IQSEC3: variants seen among roughly 807,000 people sequenced by gnomAD.
IQSEC3 encodes the protein IQ motif and SEC7 domain-containing protein 3.
IQSEC3 carries 50 observed loss-of-function variants against 105.4 expected under a neutral mutation model. That is an observed-to-expected ratio of 0.47 (90% CI 0.38 to 0.60). The LOEUF is 0.60. Among genes scored for constraint, IQSEC3 ranks in the 20% least tolerant of loss-of-function variants. IQSEC3 has a pLI of 0.00. For synonymous variants in IQSEC3, 708 were observed against 746.0 expected, an observed-to-expected ratio of 0.95 and a Z score of 0.83; for missense variants, 1,415 against 1,630.0, an observed-to-expected ratio of 0.87 and a Z score of 2.27.
chr12:122,318 G>A (rs1387873575), intron 2 of IQSEC3, among the ~76,000 whole-genome samples: 5 of 152,294 alleles, frequency 3.3e-5, no homozygotes, highest in East Asian at 1.9e-4. Flanking sequence ...AGCTCCCTCC[G>A]TGGAACAGAT....
chr12:141,209 C>T lies in IQSEC3; in HGVS notation c.2077C>T (p.Arg693Ter), dbSNP rs781903513. ...CGGTGTGGCCCATTTCCTCCTCCAG[C>T]GAAAGGGCCTCAGCCGCCAGATGAT... is the stretch of plus-strand genomic sequence containing the variant. ...PIGVAHFLLQRKGLSRQMIGE... is the reference protein window; with the variant it reads ...PIGVAHFLLQ Residue 693 changes from arginine to a stop codon, truncating the protein, a stop_gained, in exon 5 of 14, where the codon CGA (arginine) becomes TGA (stop). Coordinates refer to ENST00000538872, the MANE Select transcript of IQSEC3 (RefSeq NM_001170738.2). LOFTEE classifies it high-confidence loss of function. The T allele has an allele frequency of 5.0e-6, 8 of 1,613,814 alleles. No homozygotes were observed. The highest frequency in any genetic ancestry group is 4.0e-5 in the African/African-American group (3 of 74,808).
chr12:104,242 A>G (rs1210711506), intron 2 of IQSEC3, among the ~76,000 whole-genome samples: 1 of 152,108 alleles, frequency 6.6e-6, no homozygotes, highest in Non-Finnish European at 1.5e-5. Flanking sequence ...ACTGCTAATT[A>G]TTTCTGGAGC....
chr12:113,553 C>A (rs1238095166), intron 2 of IQSEC3, among the ~76,000 whole-genome samples: 2 of 152,148 alleles, frequency 1.3e-5, no homozygotes, highest in Admixed American at 6.5e-5. Flanking sequence ...GGTGTGGTCA[C>A]CATGTTCCAT....
rs535633153 is a variant in IQSEC3 at position 125,585 on chromosome 12, C to A, written c.624-48C>A. 1.7e-5 allele frequency: 25 copies of A among 1,450,090 alleles called. No homozygotes were observed. The Admixed American group carries it at 3.1e-4, about 18-fold the overall frequency. The allele number at this position is 1,450,090 out of a possible 1,614,324, so 89.8% of individuals were successfully genotyped here. Reference sequence around the variant, plus strand: ...TCCCCGACCCCCACATCCACACGCACCCTGTCGCCCTCTCCCCCAACCGAG... The same window carrying A: ...TCCCCGACCCCCACATCCACACGCAACCTGTCGCCCTCTCCCCCAACCGAG... On this transcript the variant is annotated intron_variant, in intron 2 of 13. Transcript: ENST00000538872.
chr12:78,050 C>T (rs1423406967), intron 1 of IQSEC3, among the ~76,000 whole-genome samples: 2 of 151,296 alleles, frequency 1.3e-5, no homozygotes, highest in Non-Finnish European at 3.0e-5. Flanking sequence ...CTCCGCGCGC[C>T]CCCGCCGCCC....
intron 12 of IQSEC3, among the ~76,000 whole-genome samples, chr12:170,281 C>A (rs1357483810): frequency 6.6e-6 from 1 of 151,990 alleles, no homozygotes; most frequent in South Asian, 2.1e-4. Context: ...AGAGCCAGCC[C>A]TCAGCTGTGT....
intron 2 of IQSEC3, among the ~76,000 whole-genome samples, chr12:122,527 GA>G (rs1429586229): frequency 6.6e-6 from 1 of 152,214 alleles, no homozygotes; most frequent in East Asian, 1.9e-4. Flanking sequence ...GTTTATTTGG[GA>G]CAAGGTGACC....
rs993971910 is a variant in IQSEC3, at chr12:141,217, C to T, written c.2085C>T (p.Gly695=). The change falls in exon 5 of 14, where the codon GGC becomes GGT. Residue 695 remains glycine (G), a synonymous_variant. Transcript: ENST00000538872. ...GVAHFLLQRK[G]LSRQMIGEFL... The stretch of plus-strand genomic sequence containing the variant: ...CCCATTTCCTCCTCCAGCGAAAGGG[C>T]CTCAGCCGCCAGATGATTGGAGAGT... 6 of 1,613,838 alleles carry T rather than the reference C, an allele frequency of 3.7e-6. No individual in the cohort carries two copies. The highest frequency in any genetic ancestry group is 4.2e-6 in the Non-Finnish European group (5 of 1,179,990).
At chr12:149,496 C>T (rs1866419276) in intron 5 of IQSEC3, among the ~76,000 whole-genome samples, 1 of 152,220 alleles carries the variant, frequency 6.6e-6, no homozygotes. Context: ...GCCACTGAGG[C>T]TCCTTCTCCA....
intron 3 of IQSEC3, among the ~76,000 whole-genome samples, chr12:136,153 T>C (rs569376509): frequency 1.3e-5 from 2 of 152,248 alleles, no homozygotes; most frequent in East Asian, 1.9e-4. Flanking sequence ...GGAGAAGCCA[T>C]ATAGGAAGGC....
chr12:121,581 A>G (rs1865219669), intron 2 of IQSEC3, among the ~76,000 whole-genome samples: 1 of 152,218 alleles, frequency 6.6e-6, no homozygotes. Flanking sequence ...AGTGGCTGGA[A>G]CGGGGTAGGA....
chr12:103,627 A>G (rs868928675), intron 2 of IQSEC3, among the ~76,000 whole-genome samples: 30 of 5,544 alleles, frequency 5.4e-3, no homozygotes, highest in Non-Finnish European at 6.0e-3. Flanking sequence ...GGTGGAGTTC[A>G]GGGGGGAGGC....
intron 12 of IQSEC3, among the ~76,000 whole-genome samples, chr12:169,770 C>T (rs1938872797): frequency 6.6e-6 from 1 of 152,214 alleles, no homozygotes; most frequent in African/African-American, 2.4e-5. Context: ...CCTCCACCAG[C>T]CCCAAATAAA....
At chr12:115,785 CATAGTT>C (rs1203367001) in intron 2 of IQSEC3, among the ~76,000 whole-genome samples, 1 of 152,160 alleles carries the variant, frequency 6.6e-6, no homozygotes, top group Non-Finnish European at 1.5e-5. Flanking sequence ...TTCTAAATCT[CATAGTT>C]ATACCACTCT....
intron 3 of IQSEC3, among the ~76,000 whole-genome samples, chr12:131,697 G>T (rs11064628): frequency 6.6e-6 from 1 of 152,036 alleles, no homozygotes; most frequent in African/African-American, 2.4e-5. Context: ...TGGACAGTCC[G>T]CAGCGAGAGC....
At position 177,342 on chromosome 12, in the gene IQSEC3, AG is replaced by A. The variant is rs1398138874; in HGVS notation, c.*2312del. 1.2e-5 allele frequency: 1 copy of A among 80,386 alleles called. No homozygotes were observed. The highest frequency in any genetic ancestry group is 5.5e-4 in the East Asian group (1 of 1,806). The allele number at this position is 80,386 out of a possible 1,614,324, so 5.0% of individuals were successfully genotyped here. ...TTACCAAGTGCCCTCTCCCCTGTTG[AG>A]GGCACAGCAACCCCAGGCCCTCCCT... On this transcript the variant is annotated 3_prime_UTR_variant, in exon 14 of 14. Transcript: ENST00000538872. This position sits in a 1 kb window ranked among gnomAD's most constrained non-coding sequence, Gnocchi z 5.3.
At chr12:170,735 A>C (rs782447077) in intron 12 of IQSEC3, among the ~76,000 whole-genome samples, 21 of 152,164 alleles carry the variant, frequency 1.4e-4, no homozygotes, top group Non-Finnish European at 3.1e-4. Flanking sequence ...GCAGGGCTGG[A>C]GCAAAGAAGC....
In IQSEC3 at chr12:175,343, G is replaced by A. The variant is rs927370492; in HGVS notation, c.*310G>A. ...CATTGGACCATGGACTGAAGAAAACGAGCTGAGGGTCTAACGAGCTTGCAG... is the reference window on the plus strand; with the variant it reads ...CATTGGACCATGGACTGAAGAAAACAAGCTGAGGGTCTAACGAGCTTGCAG... On this transcript the variant is annotated 3_prime_UTR_variant, in exon 14 of 14. Transcript: ENST00000538872. 3.4e-5 allele frequency: 12 copies of A among 352,714 alleles called. No individual in the cohort carries two copies. Among genetic ancestry groups the A allele is most frequent in the Admixed American group, 1.8e-4 (4 of 22,604 alleles). The allele number at this position is 352,714 out of a possible 1,614,324, so 21.8% of individuals were successfully genotyped here. A position where few individuals can be genotyped will look rare whatever the true frequency, so the allele number is the denominator to read the frequency against.
In IQSEC3 at chr12:163,617, G is replaced by T; in HGVS notation, c.2707G>T (p.Val903Leu). 6.8e-7 allele frequency: 1 copy of T among 1,462,624 alleles called. No homozygotes were observed. Among genetic ancestry groups the T allele is most frequent in the Non-Finnish European group, 9.6e-7 (1 of 1,042,932 alleles). The allele number at this position is 1,462,624 out of a possible 1,614,324, so 90.6% of individuals were successfully genotyped here. ...REVFLFNDLLVILKLCPKKKS... is the reference protein window; with the variant it reads ...REVFLFNDLLLILKLCPKKKS... The stretch of plus-strand genomic sequence containing the variant: ...GGTGTTCCTCTTCAATGACCTGCTG[G>T]TGGTGAGTGGCCTCCGCTCCGGGAC... The change falls in exon 9 of 14, where the codon GTG (valine) becomes TTG (leucine). Residue 903 changes from valine (V) to leucine (L), a missense_variant and splice_region_variant. This residue lies in a region of IQSEC3 where 419 missense variants were observed against 436.2 expected (regional missense o/e 0.96). Transcript: ENST00000538872.
Sources: gnomAD v4.1 joint callset for allele counts (sites outside exome capture counted in the v4.1 genomes callset) on GRCh38, gnomAD v4.1.1 for gene constraint, gnomAD v4.1.1 regional missense constraint, Gnocchi (gnomAD v3.1) non-coding constraint, MANE v1.5 for transcripts, NCBI Gene and HGNC (gene_info 2026-07-23, HGNC 2026-07-21) for gene names.